Variants in TSPAN7 observed in about 807,000 individuals in gnomAD.
TSPAN7 encodes tetraspanin-7.
Under a neutral mutation model 17.6 loss-of-function variants are expected in TSPAN7, and 1 was observed. The ratio of observed to expected loss-of-function variants is 0.06; its 90% CI spans 0.02 to 0.27. The LOEUF (loss-of-function observed/expected upper bound fraction) is 0.27, where lower values mean the gene tolerates loss of function less well. TSPAN7 is among the 10% of genes least tolerant of loss of function. The pLI, the probability that TSPAN7 is intolerant of heterozygous loss-of-function variation, is 1.00. For missense variants in TSPAN7, 112 were observed against 201.7 expected (o/e 0.56, Z 2.69); for synonymous variants, 78 against 79.0 (o/e 0.99, Z 0.07).
intron 1 of TSPAN7, among the ~76,000 whole-genome samples, chrX:38,664,576 T>C (rs2069770426): frequency 8.9e-6 from 1 of 112,300 alleles, no homozygotes; most frequent in South Asian, 3.7e-4. Context: ...CCATTGGAAT[T>C]TTTGAAAGGC....
intron 1 of TSPAN7, among the ~76,000 whole-genome samples, chrX:38,654,194 G>A (rs73198488): frequency 0.084 from 9,394 of 111,234 alleles, 366 homozygotes; most frequent in East Asian, 0.23. Context: ...ACGTTTCATA[G>A]GGTTATTAAG....
chrX:38,671,266 G>A (rs2069819770), intron 2 of TSPAN7, 110 bp from the exon 3 acceptor site: 6 of 716,622 alleles, frequency 8.4e-6, no homozygotes, highest in South Asian at 4.3e-5. Flanking sequence ...CTTTGTCTAG[G>A]GAGTGTGAGG....
intron 1 of TSPAN7, chrX:38,646,143 C>A (rs965933269): frequency 1.1e-5 from 7 of 620,476 alleles, no homozygotes; most frequent in Non-Finnish European, 1.5e-5. Flanking sequence ...GGTGTACTTT[C>A]TATAAAAAAA....
chrX:38,564,153 C>A (rs2069129690), intron 1 of TSPAN7, among the ~76,000 whole-genome samples: 2 of 110,065 alleles, frequency 1.8e-5, no homozygotes, highest in South Asian at 7.9e-4. Flanking sequence ...CCCTCATGCC[C>A]ACCCCCTGCC....
intron 5 of TSPAN7, 148 bp downstream of exon 5, chrX:38,676,008 G>A (rs998758580): frequency 1.4e-6 from 1 of 692,148 alleles, no homozygotes; most frequent in African/African-American, 2.2e-5. Context: ...CCTGGGAGAG[G>A]CACTTGAGGC....
rs756485357 is a variant in TSPAN7 at position 38,619,714 on chromosome X, C to T, written c.82-46407C>T. ...TGGGTTGCCAACACAGAGCATACTC[C>T]GACAAAACTGTAAAATTGTATATAA... On this transcript the variant is annotated intron_variant, in intron 1 of 7. Coordinates refer to ENST00000378482, the MANE Select transcript of TSPAN7 (RefSeq NM_004615.4). Among the ~76,000 whole-genome samples, 6 of 111,617 alleles carry T rather than the reference C, an allele frequency of 5.4e-5. No individual in the cohort carries two copies. The South Asian group carries it at 1.5e-3, about 28-fold the overall frequency.
At chrX:38,639,245 C>A (rs2069599525) in intron 1 of TSPAN7, among the ~76,000 whole-genome samples, 1 of 109,653 alleles carries the variant, frequency 9.1e-6, no homozygotes. Context: ...CTTGTAACAG[C>A]CCCCCTGAGG....
intron 1 of TSPAN7, among the ~76,000 whole-genome samples, chrX:38,588,563 G>A (rs557549664): frequency 2.2e-4 from 25 of 111,916 alleles, no homozygotes; most frequent in Middle Eastern, 9.1e-3. Flanking sequence ...GAAAAGTCAC[G>A]TTGAATAATT....
chrX:38,634,861 G>A (rs6520518), intron 1 of TSPAN7, among the ~76,000 whole-genome samples: 58,414 of 109,355 alleles, frequency 0.53, 12,590 homozygotes, highest in East Asian at 0.93. Context: ...CAGCCAGATG[G>A]TATTTCTGAA....
chrX:38,676,772 T>C (rs1261439812), intron 5 of TSPAN7, among the ~76,000 whole-genome samples: 1 of 112,309 alleles, frequency 8.9e-6, no homozygotes, highest in Non-Finnish European at 1.9e-5. Context: ...GATTCAGTAC[T>C]GACTGCTTCT....
chrX:38,576,808 G>A, intron 1 of TSPAN7, among the ~76,000 whole-genome samples: 1 of 112,083 alleles, frequency 8.9e-6, no homozygotes, highest in Middle Eastern at 4.7e-3. Context: ...GTCTAGGTAA[G>A]TAGACATAAG....
At position 38,652,806 on chromosome X, in the gene TSPAN7, A is replaced by G. The variant is rs558908435; in HGVS notation, c.82-13315A>G. ...TACCCATGTTTCCTGGCTATTGACA[A>G]TTAGAAACTGCCCAAGAAACCTCGC... On this transcript the variant is annotated intron_variant, in intron 1 of 7. Transcript: ENST00000378482. Among the ~76,000 whole-genome samples, 70 of 112,226 alleles carry G rather than the reference A, an allele frequency of 6.2e-4. 1 individual carries two copies. In the South Asian group the frequency reaches 0.025, roughly 41 times the overall value.
intron 1 of TSPAN7, among the ~76,000 whole-genome samples, chrX:38,599,408 G>A (rs947195784): frequency 9.0e-6 from 1 of 111,412 alleles, no homozygotes; most frequent in South Asian, 3.7e-4. Context: ...TTTTAGGGGA[G>A]CCTCCACCCC....
intron 1 of TSPAN7, among the ~76,000 whole-genome samples, chrX:38,577,050 A>C (rs2069197689): frequency 1.8e-5 from 2 of 111,764 alleles, no homozygotes; most frequent in South Asian, 3.8e-4. Flanking sequence ...GGAATGAAGA[A>C]TGGAGGACAG....
chrX:38,598,173 G>A (rs997716066), intron 1 of TSPAN7, among the ~76,000 whole-genome samples: 7 of 111,183 alleles, frequency 6.3e-5, no homozygotes, highest in South Asian at 3.8e-4. Context: ...TCCACATCAC[G>A]TATTGCTTGG....
At chrX:38,620,139 G>A (rs758078968) in intron 1 of TSPAN7, among the ~76,000 whole-genome samples, 1 of 111,870 alleles carries the variant, frequency 8.9e-6, no homozygotes, top group African/African-American at 3.2e-5. Context: ...AGGTAAGAGA[G>A]TTGTGAATGG....
intron 1 of TSPAN7, among the ~76,000 whole-genome samples, chrX:38,599,695 C>G (rs867556777): frequency 6.5e-4 from 72 of 111,215 alleles, no homozygotes; most frequent in African/African-American, 2.0e-3. Context: ...CCTACATTTT[C>G]TTGGCAGCAG....
intron 1 of TSPAN7, among the ~76,000 whole-genome samples, chrX:38,663,860 A>G (rs1481765477): frequency 8.9e-6 from 1 of 112,458 alleles, no homozygotes; most frequent in African/African-American, 3.2e-5. Context: ...GATTAGCAGT[A>G]TACATTTTCA....
chrX:38,641,075 C>T lies in TSPAN7; in HGVS notation c.82-25046C>T, dbSNP rs368432296. On this transcript the variant is annotated intron_variant, in intron 1 of 7. Transcript: ENST00000378482. ...TGCCTGGTCAGATTAAAAGCCAAAG[C>T]GTGTGCTCAGTCTTTCTGCTAGAGG... Among the ~76,000 whole-genome samples the T allele has an allele frequency of 6.2e-5, 7 of 112,379 alleles. No homozygotes were observed. The East Asian group carries it at 1.4e-3, about 22-fold the overall frequency.
Sources: gnomAD v4.1 joint callset for allele counts (sites outside exome capture counted in the v4.1 genomes callset) on GRCh38, gnomAD v4.1.1 for gene constraint, MANE v1.5 for transcripts, NCBI Gene and HGNC (gene_info 2026-07-23, HGNC 2026-07-21) for gene names.